NOP2: variants seen among roughly 807,000 people sequenced by gnomAD.
NOP2 encodes NOP2 nucleolar protein, also known as 28S rRNA (cytosine(4447)-C(5))-methyltransferase.
NOP2 carries 7 observed loss-of-function variants against 72.7 expected under a neutral mutation model. That is an observed-to-expected ratio of 0.10 (90% confidence interval 0.05 to 0.18). The LOEUF (loss-of-function observed/expected upper bound fraction) is 0.18, where lower values mean the gene tolerates loss of function less well. Ranked by LOEUF, NOP2 falls within the 10% of genes least tolerant of loss-of-function variation. The pLI is 1.00. For synonymous variants in NOP2, 387 were observed against 388.0 expected, an observed-to-expected ratio of 1.00 and a Z score of 0.03; for missense variants, 954 against 1,014.7, an observed-to-expected ratio of 0.94 and a Z score of 0.81.
chr12:6,567,823 C>A lies in NOP2; in HGVS notation c.96G>T (p.Leu32Phe), dbSNP rs767776844. 7 of 1,613,426 alleles carry A rather than the reference C, an allele frequency of 4.3e-6. No individual in the cohort carries two copies. Among genetic ancestry groups the A allele is most frequent in the African/African-American group, 1.3e-5 (1 of 74,930 alleles). ...GCCACAACTAATCCTTACCTGCAGGCAAGAATCTGACGAGTTCTGTCTCGG... is the reference window on the plus strand; with the variant it reads ...GCCACAACTAATCCTTACCTGCAGGAAAGAATCTGACGAGTTCTGTCTCGG... ...KGAETELVRFLPAVSDENSKR... is the reference protein window; with the variant it reads ...KGAETELVRFFPAVSDENSKR... Residue 32 changes from leucine (L) to phenylalanine (F), a missense_variant, in exon 2 of 16, where the codon TTG (leucine) becomes TTT (phenylalanine). This residue lies in a region of NOP2 where 498 missense variants were observed against 478.3 expected (regional missense o/e 1.04). Transcript: ENST00000322166.
chr12:6,563,851 T>C (rs771576440), intron 6 of NOP2, 40 bp downstream of exon 6: 16 of 1,613,588 alleles, frequency 9.9e-6, no homozygotes, highest in Middle Eastern at 1.6e-4. Context: ...CCCACCCCAG[T>C]GGCTTCCTAT....
intron 5 of NOP2, among the ~76,000 whole-genome samples, chr12:6,564,641 C>A (rs962457287): frequency 6.6e-6 from 1 of 151,748 alleles, no homozygotes; most frequent in Non-Finnish European, 1.5e-5. Context: ...GATGGCCAAG[C>A]TGGTTTTGAA....
Position 6,566,580 on chromosome 12 carries a change from T to C in NOP2, c.187A>G (p.Lys63Glu). ...KRRLGSVEAPKTNKSPEAKPL... is the reference protein window; with the variant it reads ...KRRLGSVEAPETNKSPEAKPL... ...TTGGCCTCAGGAGACTTATTTGTCTTAGGGGCTTCAACAGAGCCCAATCTC... is the reference window on the plus strand; with the variant it reads ...TTGGCCTCAGGAGACTTATTTGTCTCAGGGGCTTCAACAGAGCCCAATCTC... The change falls in exon 4 of 16, where the codon AAG becomes GAG. Residue 63 changes from lysine to glutamate, a missense_variant. By Grantham distance (56) the Lys-to-Glu change is moderately conservative (BLOSUM62 1). Around this residue, in one of 3 missense-constraint regions of NOP2, gnomAD observed 498 missense variants for 478.3 expected, o/e 1.04. Transcript: ENST00000322166. 6.2e-7 allele frequency: 1 copy of C among 1,613,994 alleles called. No individual in the cohort carries two copies. The highest frequency in any genetic ancestry group is 8.5e-7 in the Non-Finnish European group (1 of 1,179,894).
In NOP2 at chr12:6,567,829, T is replaced by G. The variant is rs1947821309; in HGVS notation, c.90A>C (p.Arg30Ser). The G allele has an allele frequency of 2.5e-6, 4 of 1,613,810 alleles. No individual in the cohort carries two copies. Among genetic ancestry groups the G allele is most frequent in the African/African-American group, 1.3e-5 (1 of 74,942 alleles). ...KQKGAETELV[R>S]FLPAVSDENS... ...ACTAATCCTTACCTGCAGGCAAGAA[T>G]CTGACGAGTTCTGTCTCGGCACCCT... The change falls in exon 2 of 16, where the codon AGA becomes AGC. Residue 30 changes from arginine to serine, a missense_variant. Arg to Ser is a moderately radical substitution (Grantham distance 110). This residue lies in a region of NOP2 where 498 missense variants were observed against 478.3 expected (regional missense o/e 1.04). Transcript: ENST00000322166.
At position 6,566,194 on chromosome 12, in the gene NOP2, G is replaced by A. The variant is rs1387945516; in HGVS notation, c.381C>T (p.Asn127=). The A allele has an allele frequency of 6.8e-6, 11 of 1,613,982 alleles. No individual in the cohort carries two copies. The highest frequency in any genetic ancestry group is 9.3e-6 in the Non-Finnish European group (11 of 1,179,880). ...CCTCGGAGCCCCAGAGGTCCCCGTG[G>A]TTCACCATACCATCTTCTTCAGAGT... ...EEDSEEDGMV[N]HGDLWGSEDD... Residue 127 remains asparagine (N), a synonymous_variant, in exon 5 of 16, where the codon AAC becomes AAT. Coordinates refer to ENST00000322166, the MANE Select transcript of NOP2 (RefSeq NM_001258308.2).
At chr12:6,563,002 G>T in intron 9 of NOP2, 79 bp downstream of exon 9, 1 of 1,377,030 alleles carries the variant, frequency 7.3e-7, no homozygotes, top group African/African-American at 1.4e-5. Flanking sequence ...ACCCAGTCAG[G>T]GTAGCACAGA....
intron 11 of NOP2, among the ~76,000 whole-genome samples, chr12:6,561,330 C>T (rs1003034853): frequency 5.9e-5 from 9 of 152,220 alleles, no homozygotes; most frequent in Non-Finnish European, 1.5e-5. Context: ...GTGACAGCAG[C>T]TTAATAAAAG....
intron 2 of NOP2, chr12:6,567,350 C>T: frequency 5.3e-6 from 1 of 187,320 alleles, no homozygotes; most frequent in South Asian, 9.2e-5. Flanking sequence ...CCAACACAAA[C>T]TCCCGGTCCA....
chr12:6,562,101 G>A (rs1218658384), intron 9 of NOP2, 130 bp from the exon 10 acceptor site: 8 of 701,376 alleles, frequency 1.1e-5, no homozygotes, highest in Admixed American at 6.8e-5. Flanking sequence ...CGATTCTCTC[G>A]TGCCTCAGCC....
In NOP2 at chr12:6,566,341, G is replaced by A. The variant is rs756306190; in HGVS notation, c.239-5C>T. ...GGACAGCTCCTGCAGAGATCCCTAA[G>A]GGTTTGAAGAGTCCTGGACTAATGG... On this transcript the variant is annotated splice_region_variant and splice_polypyrimidine_tract_variant and intron_variant, in intron 4 of 15. Coordinates refer to ENST00000322166, the MANE Select transcript of NOP2 (RefSeq NM_001258308.2). The A allele has an allele frequency of 6.2e-6, 10 of 1,610,554 alleles. No homozygotes were observed. The South Asian group carries it at 6.6e-5, about 11-fold the overall frequency.
Position 6,563,117 on chromosome 12 carries a change from G to A in NOP2, c.942C>T (p.Thr314=). The A allele has an allele frequency of 6.3e-7, 1 of 1,597,356 alleles. No homozygotes were observed. Among genetic ancestry groups the A allele is most frequent in the Non-Finnish European group, 8.5e-7 (1 of 1,172,234 alleles). Residue 314 remains threonine (T), a synonymous_variant, in exon 9 of 16, where the codon ACC becomes ACT. Coordinates refer to ENST00000322166, the MANE Select transcript of NOP2 (RefSeq NM_001258308.2). Reference sequence around the variant, plus strand: ...CTCGGCGTCGGGTTTTCAAGGTATTGGTCCGGAGGGTGACGGGCCGAGGCA... The same window carrying A: ...CTCGGCGTCGGGTTTTCAAGGTATTAGTCCGGAGGGTGACGGGCCGAGGCA... ...NEVPRPVTLR[T]NTLKTRRRDL...
Position 6,563,072 on chromosome 12 carries a change from AC to A in NOP2, c.978+8del. On this transcript the variant is annotated splice_region_variant and intron_variant, in intron 9 of 15. Coordinates refer to ENST00000322166, the MANE Select transcript of NOP2 (RefSeq NM_001258308.2). Reference sequence around the variant, plus strand: ...CTGAGATGAGTGAGCCTCAAAGGCCACCCCTCACCTGTGCAAGGTCTCGGCG... The same window carrying A: ...CTGAGATGAGTGAGCCTCAAAGGCCACCCTCACCTGTGCAAGGTCTCGGCG... The A allele has an allele frequency of 6.4e-7, 1 of 1,572,420 alleles. No individual in the cohort carries two copies. Among genetic ancestry groups the A allele is most frequent in the Non-Finnish European group, 8.6e-7 (1 of 1,158,988 alleles).
At position 6,560,634 on chromosome 12, in the gene NOP2, C is replaced by T; in HGVS notation, c.1437+64G>A. Reference sequence around the variant, plus strand: ...AGGGGAGCCCAGAGGGTGTCCCCATCTCAGTTTCCAGCTCTACGAGACCCA... The same window carrying T: ...AGGGGAGCCCAGAGGGTGTCCCCATTTCAGTTTCCAGCTCTACGAGACCCA... On this transcript the variant is annotated intron_variant, in intron 13 of 15. Transcript: ENST00000322166. This position sits in a 1 kb window ranked among gnomAD's most constrained non-coding sequence, Gnocchi z 5.0. 1.2e-6 allele frequency: 2 copies of T among 1,609,584 alleles called. No individual in the cohort carries two copies. The highest frequency in any genetic ancestry group is 1.7e-6 in the Non-Finnish European group (2 of 1,176,712).
At chr12:6,559,629 C>G (rs1947592973) in intron 15 of NOP2, among the ~76,000 whole-genome samples, 1 of 152,206 alleles carries the variant, frequency 6.6e-6, no homozygotes, top group African/African-American at 2.4e-5. Flanking sequence ...AAAACCCCAC[C>G]CTTCCCTTGA....
rs545010545 is a variant in NOP2 at position 6,560,215 on chromosome 12, G to A, written c.1672C>T (p.Arg558Cys). 52 of 1,613,980 alleles carry A rather than the reference G, an allele frequency of 3.2e-5. No individual in the cohort carries two copies. The highest frequency in any genetic ancestry group is 1.6e-4 in the South Asian group (15 of 91,080). ...QEGFTRFRER[R>C]FHPSLRSTRR... Reference sequence around the variant, plus strand: ...GTAGAACGCAGACTGGGGTGGAAGCGCCTTTCTCGAAAGCGGGTAAAACCT... The same window carrying A: ...GTAGAACGCAGACTGGGGTGGAAGCACCTTTCTCGAAAGCGGGTAAAACCT... Residue 558 changes from arginine to cysteine, a missense_variant, in exon 15 of 16, where the codon CGC becomes TGC. Physicochemically the swap from Arg to Cys is radical, Grantham distance 180. Coordinates refer to ENST00000322166, the MANE Select transcript of NOP2 (RefSeq NM_001258308.2). The surrounding 1 kb of genome is among the most constrained non-coding windows in gnomAD (Gnocchi z 5.0).
chr12:6,565,816 T>A (rs1414543635), intron 5 of NOP2, among the ~76,000 whole-genome samples: 2 of 152,134 alleles, frequency 1.3e-5, no homozygotes, highest in Admixed American at 1.3e-4. Context: ...AACTGCTTTA[T>A]AAAAAGTGCA....
chr12:6,567,734 A>T, intron 2 of NOP2, 82 bp downstream of exon 2: 1 of 1,094,620 alleles, frequency 9.1e-7, no homozygotes. Context: ...ATATAAAATG[A>T]ACAGAAACTA....
At chr12:6,561,524 C>T in intron 11 of NOP2, 140 bp downstream of exon 11, 1 of 1,078,878 alleles carries the variant, frequency 9.3e-7, no homozygotes, top group South Asian at 1.5e-5. Context: ...AGGCCGACTC[C>T]AGAAACTGGT....
rs1370898828 is a variant in NOP2 at position 6,563,190 on chromosome 12, G to A, written c.889-20C>T. On this transcript the variant is annotated intron_variant, in intron 8 of 15. Transcript: ENST00000322166. ...CACCAGCTGCGGGGCAAGACAGCAG[G>A]GAATAAGTGAGGCTGGCTAAGGAGC... The A allele has an allele frequency of 2.5e-6, 4 of 1,571,876 alleles. No homozygotes were observed. The South Asian group carries it at 4.7e-5, about 18-fold the overall frequency.
Sources: gnomAD v4.1 joint callset for allele counts (sites outside exome capture counted in the v4.1 genomes callset) on GRCh38, gnomAD v4.1.1 for gene constraint, gnomAD v4.1.1 regional missense constraint, Gnocchi (gnomAD v3.1) non-coding constraint, MANE v1.5 for transcripts, NCBI Gene and HGNC (gene_info 2026-07-23, HGNC 2026-07-21) for gene names.